Variants in EDIL3 observed in about 807,000 individuals in gnomAD.
EDIL3 encodes EGF like and discoidin domains 3.
A neutral mutation model predicts 67.4 loss-of-function variants in EDIL3; 37 were observed. The ratio of observed to expected loss-of-function variants is 0.55; its 90% CI spans 0.42 to 0.72. The LOEUF is 0.72. Ranked by LOEUF, EDIL3 falls within the 30% of genes least tolerant of loss-of-function variation. The pLI, the probability that EDIL3 is intolerant of heterozygous loss-of-function variation, is 0.00. For synonymous variants in EDIL3, 195 were observed against 196.3 expected (o/e 0.99, Z 0.05); for missense variants, 527 against 586.3 (o/e 0.90, Z 1.04).
At chr5:84,270,729 T>C (rs1301988630) in intron 1 of EDIL3, among the ~76,000 whole-genome samples, 1 of 152,196 alleles carries the variant, frequency 6.6e-6, no homozygotes, top group Non-Finnish European at 1.5e-5. Flanking sequence ...ATGCTACTAT[T>C]GTCACCATTT....
At chr5:84,066,827 A>G (rs1442552753) in intron 6 of EDIL3, among the ~76,000 whole-genome samples, 6 of 152,204 alleles carry the variant, frequency 3.9e-5, no homozygotes. Context: ...ATATTTGTGA[A>G]CAGGCTTTGA....
chr5:84,041,547 CATAT>C (rs59892790), intron 9 of EDIL3, among the ~76,000 whole-genome samples: 1 of 146,558 alleles, frequency 6.8e-6, no homozygotes, highest in Non-Finnish European at 1.5e-5. Context: ...TGTGTGTGTG[CATAT>C]ATATATACAT....
intron 6 of EDIL3, among the ~76,000 whole-genome samples, chr5:84,085,756 A>G (rs1747057973): frequency 6.6e-6 from 1 of 152,164 alleles, no homozygotes; most frequent in South Asian, 2.1e-4. Context: ...CAGAGCCAGC[A>G]GGCAGGAAAG....
chr5:83,947,356 T>A (rs1744327438), intron 10 of EDIL3, among the ~76,000 whole-genome samples: 1 of 133,156 alleles, frequency 7.5e-6, no homozygotes, highest in Non-Finnish European at 1.6e-5. Flanking sequence ...CATGTATGTG[T>A]CTGTGTCTGT....
chr5:84,169,753 T>C (rs1268040057), intron 4 of EDIL3, among the ~76,000 whole-genome samples: 3 of 151,824 alleles, frequency 2.0e-5, no homozygotes, highest in African/African-American at 7.3e-5. Context: ...AGCAATTCCA[T>C]GGTATGTATG....
chr5:84,322,854 A>C (rs975318417), intron 1 of EDIL3, among the ~76,000 whole-genome samples: 1 of 152,068 alleles, frequency 6.6e-6, no homozygotes, highest in Non-Finnish European at 1.5e-5. Context: ...ATTCTCAATA[A>C]GATTGTCAGC....
At chr5:84,030,391 G>A (rs896858878) in intron 9 of EDIL3, among the ~76,000 whole-genome samples, 5 of 151,916 alleles carry the variant, frequency 3.3e-5, no homozygotes, top group African/African-American at 1.2e-4. Flanking sequence ...CTTCACAAAC[G>A]TTAAACATGA....
In EDIL3 at chr5:83,982,734, C is replaced by T. The variant is rs75508602; in HGVS notation, c.1138-19374G>A. On this transcript the variant is annotated intron_variant, in intron 9 of 10. Coordinates refer to ENST00000296591, the MANE Select transcript of EDIL3 (RefSeq NM_005711.5). ...TATTCACATGATTTATCTACTCATCCTCTGAGTTAGTTTCTATTACTGTAC... is the reference window on the plus strand; with the variant it reads ...TATTCACATGATTTATCTACTCATCTTCTGAGTTAGTTTCTATTACTGTAC... Among the ~76,000 whole-genome samples, 708 of 152,240 alleles carry T rather than the reference C, an allele frequency of 4.7e-3. 3 individuals are homozygous for T. The highest frequency in any genetic ancestry group is 8.1e-3 in the Non-Finnish European group (549 of 68,004).
chr5:83,966,789 AC>A (rs1411641372), intron 9 of EDIL3, among the ~76,000 whole-genome samples: 2 of 152,094 alleles, frequency 1.3e-5, no homozygotes, highest in Non-Finnish European at 2.9e-5. Flanking sequence ...GACTTTGGTA[AC>A]ATCATGAAAT....
chr5:84,173,724 T>G (rs1357936104), intron 4 of EDIL3, among the ~76,000 whole-genome samples: 1 of 152,128 alleles, frequency 6.6e-6, no homozygotes, highest in Non-Finnish European at 1.5e-5. Context: ...GTGCCAGTAA[T>G]GGAGACGGGG....
At chr5:84,305,054 A>G (rs1271684821) in intron 1 of EDIL3, among the ~76,000 whole-genome samples, 1 of 152,222 alleles carries the variant, frequency 6.6e-6, no homozygotes, top group Admixed American at 6.5e-5. Context: ...AGTGATTTGG[A>G]ACATTTTTTG....
chr5:84,204,025 T>C (rs1367383944), intron 3 of EDIL3, among the ~76,000 whole-genome samples: 2 of 152,186 alleles, frequency 1.3e-5, no homozygotes, highest in African/African-American at 4.8e-5. Context: ...GTCTCCGCTT[T>C]TGTTGTTTTG....
chr5:84,202,546 A>C (rs1410429888), intron 3 of EDIL3, among the ~76,000 whole-genome samples: 6 of 152,308 alleles, frequency 3.9e-5, no homozygotes, highest in Middle Eastern at 6.8e-3. Flanking sequence ...ACAAGAAACA[A>C]ATGGGTGTAG....
chr5:84,047,257 T>G (rs1380843310), intron 9 of EDIL3, among the ~76,000 whole-genome samples: 1 of 152,108 alleles, frequency 6.6e-6, no homozygotes, highest in African/African-American at 2.4e-5. Context: ...ATTTTCTATA[T>G]GCAAGCACTT....
At chr5:84,070,741 A>G (rs1432881101) in intron 6 of EDIL3, among the ~76,000 whole-genome samples, 1 of 151,790 alleles carries the variant, frequency 6.6e-6, no homozygotes, top group African/African-American at 2.4e-5. Flanking sequence ...CTCTCTACTG[A>G]ATCCAGCACT....
intron 1 of EDIL3, among the ~76,000 whole-genome samples, chr5:84,330,493 T>A (rs969662707): frequency 2.6e-4 from 39 of 152,322 alleles, no homozygotes; most frequent in South Asian, 6.2e-4. Flanking sequence ...AGGACAAATA[T>A]TTGAAATGTC....
chr5:84,058,678 C>T (rs4299713), intron 9 of EDIL3, among the ~76,000 whole-genome samples: 54,535 of 151,834 alleles, frequency 0.36, 10,740 homozygotes, highest in African/African-American at 0.53. Context: ...ACATCTGCTA[C>T]GAGGATGGAG....
At chr5:84,239,579 C>T (rs1446843194) in intron 2 of EDIL3, among the ~76,000 whole-genome samples, 1 of 152,140 alleles carries the variant, frequency 6.6e-6, no homozygotes, top group Non-Finnish European at 1.5e-5. Context: ...CCTTCAGCTA[C>T]ATCTTATGGA....
At chr5:83,953,907 A>G (rs2112119851) in intron 10 of EDIL3, among the ~76,000 whole-genome samples, 1 of 151,986 alleles carries the variant, frequency 6.6e-6, no homozygotes, top group African/African-American at 2.4e-5. Context: ...AGATTCAACC[A>G]AAGGAACTAC....
Sources: gnomAD v4.1 joint callset for allele counts (sites outside exome capture counted in the v4.1 genomes callset) on GRCh38, gnomAD v4.1.1 for gene constraint, MANE v1.5 for transcripts, NCBI Gene and HGNC (gene_info 2026-07-23, HGNC 2026-07-21) for gene names.